C8orf74: variants seen among roughly 807,000 people sequenced by gnomAD.
C8orf74 encodes chromosome 8 open reading frame 74.
Under a neutral mutation model 22.2 loss-of-function variants are expected in C8orf74, and 29 were observed. That is an observed-to-expected ratio of 1.31 (90% CI 0.97 to 1.78). The LOEUF (loss-of-function observed/expected upper bound fraction) is 1.78. Ranked by LOEUF, C8orf74 falls within the 40% of genes most tolerant of loss-of-function variation. The probability of loss-of-function intolerance (pLI) is 0.00; values close to 1 mark genes in which losing one functional copy is unlikely to be tolerated. For synonymous variants in C8orf74, 255 were observed against 163.1 expected (o/e 1.56, Z -4.30); for missense variants, 515 against 369.9 (o/e 1.39, Z -3.22).
At chr8:10,673,679 G>A (rs1423331196) in intron 1 of C8orf74, 2 of 153,908 alleles carry the variant, frequency 1.3e-5, no homozygotes, top group Admixed American at 1.3e-4. Flanking sequence ...TCAGAGGAAA[G>A]AAAGTCCTAG....
chr8:10,696,070 A>G (rs980052033), intron 2 of C8orf74, among the ~76,000 whole-genome samples: 12 of 152,152 alleles, frequency 7.9e-5, no homozygotes, highest in Admixed American at 7.9e-4. Context: ...TGACTTGCCT[A>G]TCTCTCTGCC....
intron 2 of C8orf74, among the ~76,000 whole-genome samples, chr8:10,686,356 T>C (rs1161922686): frequency 6.6e-6 from 1 of 152,214 alleles, no homozygotes; most frequent in Non-Finnish European, 1.5e-5. Flanking sequence ...ACCTATTTCA[T>C]AGGTTGGTTG....
chr8:10,692,535 A>G (rs1799402425), intron 2 of C8orf74: 1 of 152,226 alleles, frequency 6.6e-6, no homozygotes, highest in Admixed American at 6.5e-5. Context: ...TGTGTGTGTG[A>G]GACAAGCTCT....
chr8:10,675,291 G>T (rs776479310), intron 2 of C8orf74, among the ~76,000 whole-genome samples: 1 of 152,216 alleles, frequency 6.6e-6, no homozygotes, highest in Non-Finnish European at 1.5e-5. Context: ...TGGGTGCATG[G>T]AAGCAGCATT....
chr8:10,699,844 C>T (rs963404430), intron 3 of C8orf74, among the ~76,000 whole-genome samples: 9 of 152,144 alleles, frequency 5.9e-5, no homozygotes, highest in African/African-American at 1.9e-4. Flanking sequence ...TGGCACTGGC[C>T]GATGGGCCCA....
At chr8:10,696,828 A>C (rs1410241244) in intron 2 of C8orf74, among the ~76,000 whole-genome samples, 6 of 151,998 alleles carry the variant, frequency 3.9e-5, no homozygotes, top group African/African-American at 1.4e-4. Context: ...AAACAAGATA[A>C]AGCACAGCGA....
At chr8:10,677,136 C>T (rs1476830557) in intron 2 of C8orf74, among the ~76,000 whole-genome samples, 2 of 152,118 alleles carry the variant, frequency 1.3e-5, no homozygotes, top group African/African-American at 4.8e-5. Context: ...GCTCTTCCAG[C>T]TTCCACAGAC....
chr8:10,696,221 G>C (rs1799494119), intron 2 of C8orf74, among the ~76,000 whole-genome samples: 1 of 151,980 alleles, frequency 6.6e-6, no homozygotes. Flanking sequence ...AAAGAGTCGT[G>C]AGCAGGAGGA....
intron 2 of C8orf74, among the ~76,000 whole-genome samples, chr8:10,683,838 G>A (rs1038831971): frequency 6.6e-6 from 1 of 152,204 alleles, no homozygotes; most frequent in African/African-American, 2.4e-5. Flanking sequence ...CTTCTGGAGA[G>A]AAGACCTACT....
chr8:10,695,247 C>G (rs540582555), intron 2 of C8orf74, among the ~76,000 whole-genome samples: 1 of 152,256 alleles, frequency 6.6e-6, no homozygotes, highest in East Asian at 1.9e-4. Flanking sequence ...GTCAGTATCA[C>G]TATTCTGAAT....
At position 10,676,018 on chromosome 8, in the gene C8orf74, G is replaced by A. The variant is rs180805924; in HGVS notation, c.241+1180G>A. The stretch of plus-strand genomic sequence containing the variant: ...GGTGAGGGTCTGGATCGGATGGGTC[G>A]TGATGATGAATGTTCTTGCTTTAGG... On this transcript the variant is annotated intron_variant, in intron 2 of 3. Coordinates refer to ENST00000304519, the MANE Select transcript of C8orf74 (RefSeq NM_001040032.2). Among the ~76,000 whole-genome samples, 24 of 152,214 alleles carry A rather than the reference G, an allele frequency of 1.6e-4. No homozygotes were observed. The East Asian group carries it at 3.5e-3, about 22-fold the overall frequency.
chr8:10,698,877 T>C (rs932423419), intron 3 of C8orf74, among the ~76,000 whole-genome samples: 2 of 149,138 alleles, frequency 1.3e-5, no homozygotes, highest in African/African-American at 5.0e-5. Flanking sequence ...CCCTGGGAAG[T>C]ATTCCTTTAG....
chr8:10,696,629 G>A (rs1305156694), intron 2 of C8orf74, among the ~76,000 whole-genome samples: 3 of 151,692 alleles, frequency 2.0e-5, no homozygotes, highest in Non-Finnish European at 4.4e-5. Flanking sequence ...TGTATTTCTA[G>A]TAGAGACGGG....
chr8:10,699,534 G>A lies in C8orf74; in HGVS notation c.649-701G>A, dbSNP rs574820048. On this transcript the variant is annotated intron_variant, in intron 3 of 3. Coordinates refer to ENST00000304519, the MANE Select transcript of C8orf74 (RefSeq NM_001040032.2). ...TAGCTCCTATGCTGTGTGGTTGCTC[G>A]GGCAAGGAACCTAGAGAAACACAGT... is the stretch of plus-strand genomic sequence containing the variant. Among the ~76,000 whole-genome samples, 6 of 152,324 alleles carry A rather than the reference G, an allele frequency of 3.9e-5. No individual in the cohort carries two copies. In the South Asian group the frequency reaches 1.2e-3, roughly 32 times the overall value.
At chr8:10,678,933 C>T (rs973632442) in intron 2 of C8orf74, among the ~76,000 whole-genome samples, 3 of 152,194 alleles carry the variant, frequency 2.0e-5, no homozygotes, top group Non-Finnish European at 2.9e-5. Context: ...CAGGGACACT[C>T]GTGAGAGCGA....
chr8:10,681,272 T>C (rs1355820323), intron 2 of C8orf74, among the ~76,000 whole-genome samples: 1 of 152,140 alleles, frequency 6.6e-6, no homozygotes, highest in Non-Finnish European at 1.5e-5. Context: ...GAAGGAGTCC[T>C]TTCCTTGTGC....
chr8:10,684,342 C>T (rs62492341), intron 2 of C8orf74, among the ~76,000 whole-genome samples: 2,433 of 152,264 alleles, frequency 0.016, 25 homozygotes, highest in Non-Finnish European at 0.025. Flanking sequence ...TGAGAAATGG[C>T]GGCAAGGATC....
chr8:10,680,949 C>A (rs1437883546), intron 2 of C8orf74, among the ~76,000 whole-genome samples: 1 of 152,088 alleles, frequency 6.6e-6, no homozygotes, highest in Admixed American at 6.6e-5. Context: ...TGGCTAAAAT[C>A]CACACTGGGC....
At chr8:10,691,963 C>T (rs1020100100) in intron 2 of C8orf74, 2 of 152,614 alleles carry the variant, frequency 1.3e-5, no homozygotes, top group African/African-American at 2.4e-5. Flanking sequence ...GCCCCTCTCA[C>T]TTCCGGCCTT....
Sources: allele counts gnomAD v4.1 joint callset (sites outside exome capture counted in the v4.1 genomes callset), GRCh38; gene constraint gnomAD v4.1.1; transcripts MANE v1.5; gene names NCBI Gene and HGNC (gene_info 2026-07-23, HGNC 2026-07-21).